PLAGL1: variants seen among roughly 807,000 people sequenced by gnomAD.
PLAGL1 encodes PLAG1 like zinc finger 1, also known as zinc finger protein PLAGL1.
Under a neutral mutation model 4.6 loss-of-function variants are expected in PLAGL1, and 1 was observed. The ratio of observed to expected loss-of-function variants is 0.22; its 90% CI spans 0.08 to 1.03. PLAGL1 has a LOEUF of 1.03. Ranked by LOEUF, PLAGL1 falls within the 50% of genes least tolerant of loss-of-function variation. PLAGL1 has a pLI of 0.58. For missense variants in PLAGL1, 464 were observed against 570.4 expected (o/e 0.81, Z 1.90); for synonymous variants, 240 against 237.8 (o/e 1.01, Z -0.08).
At chr6:144,010,140 G>A (rs1316949548), upstream of PLAGL1, among the ~76,000 whole-genome samples, 3 of 152,124 alleles carry the variant, frequency 2.0e-5, no homozygotes, top group Admixed American at 6.5e-5. This position sits in a 1 kb window ranked among gnomAD's most constrained non-coding sequence, Gnocchi z 4.1. Flanking sequence ...CACCAACAGC[G>A]TAAAAGCGTT....
In PLAGL1 at chr6:144,027,200, G is replaced by T. The variant is rs964167239; in HGVS notation, c.-151+37268C>A. ...GATCATGCCACTGCACTCCAGCTTG[G>T]GTGACAGAGAAAGACCCCAACTCAA... On this transcript the variant is annotated intron_variant, in intron 1 of 3. Transcript: ENST00000437412. The surrounding 1 kb of genome is among the most constrained non-coding windows in gnomAD (Gnocchi z 5.8). Among the ~76,000 whole-genome samples, 1 of 141,444 alleles carries T rather than the reference G, an allele frequency of 7.1e-6. No individual in the cohort carries two copies. The highest frequency in any genetic ancestry group is 2.0e-4 in the East Asian group (1 of 5,036). 92.8% of individuals were successfully genotyped at this position (141,444 alleles called of 152,430 possible).
Position 143,948,199 on chromosome 6 carries a change from C to A in PLAGL1, c.-63G>T, listed in dbSNP as rs1387542189. 3 of 1,489,446 alleles carry A rather than the reference C, an allele frequency of 2.0e-6. No homozygotes were observed. In the African/African-American group the frequency reaches 4.1e-5, roughly 21 times the overall value. 92.3% of individuals were successfully genotyped at this position (1,489,446 alleles called of 1,614,324 possible). A position where few individuals can be genotyped will look rare whatever the true frequency, so the allele number is the denominator to read the frequency against. ...GACCAAATGCTGTGCCATTTAAGCA[C>A]AAACAGAACGATGGTGCTGGGCACA... is the stretch of plus-strand genomic sequence containing the variant. On this transcript the variant is annotated 5_prime_UTR_variant, in exon 7 of 8. Coordinates refer to ENST00000674357, the MANE Select transcript of PLAGL1 (RefSeq NM_001317162.2). This position sits in a 1 kb window ranked among gnomAD's most constrained non-coding sequence, Gnocchi z 6.0.
In PLAGL1 at chr6:143,942,381, CT is replaced by C; in HGVS notation, c.434del (p.Glu145GlyfsTer67). 1.2e-6 allele frequency: 2 copies of C among 1,614,194 alleles called. No homozygotes were observed. Among genetic ancestry groups the C allele is most frequent in the Non-Finnish European group, 1.7e-6 (2 of 1,180,034 alleles). ...LLDHLKAHAE[E>X]KPPSGTKEKK... ...TTTCCTTGGTTCCGCTAGGGGGCTT[CT>C]CTTCCGCATGGGCTTTGAGGTGGTC... On this transcript the variant is annotated frameshift_variant, in exon 8 of 8. Coordinates refer to ENST00000674357, the MANE Select transcript of PLAGL1 (RefSeq NM_001317162.2). LOFTEE classifies it low-confidence loss of function (END_TRUNC). This position sits in a 1 kb window ranked among gnomAD's most constrained non-coding sequence, Gnocchi z 7.6.
intron 2 of PLAGL1, among the ~76,000 whole-genome samples, chr6:143,977,083 T>TCCCCCCCCCCC (rs55975019): frequency 7.3e-6 from 1 of 136,916 alleles, no homozygotes; most frequent in African/African-American, 2.6e-5. Context: ...TATACTCCCT[T>TCCCCCCCCCCC]CCCCCCCCCC....
chr6:143,982,727 G>C lies in PLAGL1; in HGVS notation c.-544+2408C>G, dbSNP rs1448861325. Among the ~76,000 whole-genome samples, 1 of 152,094 alleles carries C rather than the reference G, an allele frequency of 6.6e-6. No individual in the cohort carries two copies. Among genetic ancestry groups the C allele is most frequent in the African/African-American group, 2.4e-5 (1 of 41,420 alleles). On this transcript the variant is annotated intron_variant, in intron 2 of 7. Transcript: ENST00000674357. This position sits in a 1 kb window ranked among gnomAD's most constrained non-coding sequence, Gnocchi z 5.3. ...TCTCCTGACAGCTGAATGTGTAGAG[G>C]GTGAGAGAGACGAAATGAGGATGCT...
intron 1 of PLAGL1, among the ~76,000 whole-genome samples, chr6:144,041,063 A>G (rs1797687143): frequency 6.6e-6 from 1 of 152,170 alleles, no homozygotes; most frequent in South Asian, 2.1e-4. Flanking sequence ...TGTTTTGCAG[A>G]CATATGAGCT....
rs1162120356 is a variant in PLAGL1, at chr6:143,984,256, C to T, written c.-544+879G>A. On this transcript the variant is annotated intron_variant, in intron 2 of 7. Coordinates refer to ENST00000674357, the MANE Select transcript of PLAGL1 (RefSeq NM_001317162.2). This position sits in a 1 kb window ranked among gnomAD's most constrained non-coding sequence, Gnocchi z 5.5. The stretch of plus-strand genomic sequence containing the variant: ...GTCATTTATATCAGTTTCCTAAATT[C>T]TAAAGCAAAATTTCTCAAACTTTTC... 1.3e-5 allele frequency among the ~76,000 whole-genome samples: 2 copies of T among 152,058 alleles called. No homozygotes were observed. Among genetic ancestry groups the T allele is most frequent in the African/African-American group, 4.8e-5 (2 of 41,406 alleles).
rs1005349189 is a variant in PLAGL1, at chr6:143,948,883, C to T, written c.-324-423G>A. ...CACTTACTCAAACCACGGGCTCTTC[C>T]TCATCACTCATTGTTGGCATAACAT... is the stretch of plus-strand genomic sequence containing the variant. On this transcript the variant is annotated intron_variant, in intron 6 of 7. Coordinates refer to ENST00000674357, the MANE Select transcript of PLAGL1 (RefSeq NM_001317162.2). The surrounding 1 kb of genome is among the most constrained non-coding windows in gnomAD (Gnocchi z 6.0). Among the ~76,000 whole-genome samples, 1 of 152,224 alleles carries T rather than the reference C, an allele frequency of 6.6e-6. No homozygotes were observed. The highest frequency in any genetic ancestry group is 2.1e-4 in the South Asian group (1 of 4,828).
chr6:144,003,458 A>C lies in PLAGL1; in HGVS notation c.-584+4632T>G, dbSNP rs372308954. On this transcript the variant is annotated intron_variant, in intron 1 of 7. Transcript: ENST00000674357. ...GCCAACGCGGTGAAACCCCGTCTGT[A>C]CTAAAAATACAAAAAATTATCCAGG... Among the ~76,000 whole-genome samples, 44 of 152,248 alleles carry C rather than the reference A, an allele frequency of 2.9e-4. No individual in the cohort carries two copies. The East Asian group carries it at 7.7e-3, about 27-fold the overall frequency.
In PLAGL1 at chr6:143,953,507, C is replaced by T. The variant is rs1352499357; in HGVS notation, c.-324-5047G>A. Among the ~76,000 whole-genome samples the T allele has an allele frequency of 1.3e-5, 2 of 152,208 alleles. No homozygotes were observed. Among genetic ancestry groups the T allele is most frequent in the African/African-American group, 2.4e-5 (1 of 41,450 alleles). Reference sequence around the variant, plus strand: ...ATGCTACAGCTTTGGAACATCAAATCCACATCCTAGCCAGAACATCTGAAA... The same window carrying T: ...ATGCTACAGCTTTGGAACATCAAATTCACATCCTAGCCAGAACATCTGAAA... On this transcript the variant is annotated intron_variant, in intron 6 of 7. Transcript: ENST00000674357. This position sits in a 1 kb window ranked among gnomAD's most constrained non-coding sequence, Gnocchi z 5.3.
At position 144,063,010 on chromosome 6, in the gene PLAGL1, A is replaced by T. The variant is rs1373758939; in HGVS notation, c.-151+1458T>A. On this transcript the variant is annotated intron_variant, in intron 1 of 3. Transcript: ENST00000437412. The surrounding 1 kb of genome is among the most constrained non-coding windows in gnomAD (Gnocchi z 5.7). The stretch of plus-strand genomic sequence containing the variant: ...ATCCTCCACCGGCTGGAGCTGGCTC[A>T]CTTTTCATCCTGCTGACAATTTTCT... Among the ~76,000 whole-genome samples, 1 of 152,170 alleles carries T rather than the reference A, an allele frequency of 6.6e-6. No individual in the cohort carries two copies. The highest frequency in any genetic ancestry group is 1.5e-5 in the Non-Finnish European group (1 of 68,034).
At chr6:143,944,136 T>C (rs1394980866) in intron 7 of PLAGL1, among the ~76,000 whole-genome samples, 1 of 152,236 alleles carries the variant, frequency 6.6e-6, no homozygotes, top group Non-Finnish European at 1.5e-5. Context: ...TTGTACCCTG[T>C]GAGCTTTCAC....
At chr6:144,029,298 A>G (rs1391875840) in intron 1 of PLAGL1, among the ~76,000 whole-genome samples, 1 of 152,222 alleles carries the variant, frequency 6.6e-6, no homozygotes, top group Non-Finnish European at 1.5e-5. Flanking sequence ...AATAAATTCA[A>G]CCATGTAACA....
intron 1 of PLAGL1, among the ~76,000 whole-genome samples, chr6:144,017,491 C>G (rs908915341): frequency 1.3e-5 from 2 of 152,218 alleles, no homozygotes; most frequent in African/African-American, 4.8e-5. Context: ...AGAAGACTCA[C>G]AAGGTGAAGT....
chr6:144,020,845 TAA>T (rs767287229), intron 1 of PLAGL1, among the ~76,000 whole-genome samples: 106 of 145,848 alleles, frequency 7.3e-4, no homozygotes, highest in Middle Eastern at 3.6e-3. Context: ...ATAATATATA[TAA>T]AATATAATTA....
At position 143,956,740 on chromosome 6, in the gene PLAGL1, C is replaced by T. The variant is rs538957519; in HGVS notation, c.-325+3729G>A. Among the ~76,000 whole-genome samples the T allele has an allele frequency of 2.6e-4, 40 of 152,268 alleles. No homozygotes were observed. In the South Asian group the frequency reaches 7.5e-3, roughly 28 times the overall value. On this transcript the variant is annotated intron_variant, in intron 6 of 7. Transcript: ENST00000674357. ...GTAGAGGTAGAGGATGCCAATAAAA[C>T]GTTCTCAACTGAAACAGGAAGAAGT...
At chr6:143,992,092 T>C (rs907706193) in intron 1 of PLAGL1, among the ~76,000 whole-genome samples, 6 of 152,370 alleles carry the variant, frequency 3.9e-5, no homozygotes, top group Admixed American at 3.9e-4. Context: ...TTAGTTGGTC[T>C]GCATAACTTA....
chr6:144,032,944 G>A (rs1300123345), intron 1 of PLAGL1, among the ~76,000 whole-genome samples: 2 of 152,138 alleles, frequency 1.3e-5, no homozygotes, highest in Non-Finnish European at 2.9e-5. Flanking sequence ...CTATATCGGG[G>A]CAATAGACAT....
rs1028908701 is a variant in PLAGL1 at position 144,056,537 on chromosome 6, G to C, written c.-151+7931C>G. Among the ~76,000 whole-genome samples the C allele has an allele frequency of 5.3e-5, 8 of 152,134 alleles. No individual in the cohort carries two copies. The highest frequency in any genetic ancestry group is 1.2e-4 in the Non-Finnish European group (8 of 68,022). On this transcript the variant is annotated intron_variant, in intron 1 of 3. Coordinates refer to the PLAGL1 transcript ENST00000437412. This position sits in a 1 kb window ranked among gnomAD's most constrained non-coding sequence, Gnocchi z 4.7. Reference sequence around the variant, plus strand: ...CTTGACAGCCACTGATCTTTTTATTGCCTCCATAGTTCTGCCTTCTCTAGA... The same window carrying C: ...CTTGACAGCCACTGATCTTTTTATTCCCTCCATAGTTCTGCCTTCTCTAGA...
Sources: allele counts gnomAD v4.1 joint callset (sites outside exome capture counted in the v4.1 genomes callset), GRCh38; gene constraint gnomAD v4.1.1; non-coding constraint Gnocchi (gnomAD v3.1); transcripts MANE v1.5; gene names NCBI Gene and HGNC (gene_info 2026-07-23, HGNC 2026-07-21).